EYA2: variants seen among roughly 807,000 people sequenced by gnomAD.
The protein encoded by EYA2 is protein phosphatase EYA2.
A neutral mutation model predicts 69.2 loss-of-function variants in EYA2; 31 were observed. The ratio of observed to expected loss-of-function variants is 0.45; its 90% CI spans 0.34 to 0.60. EYA2 has a LOEUF of 0.60. Among genes scored for constraint, EYA2 ranks in the 20% least tolerant of loss-of-function variants. The pLI, the probability that EYA2 is intolerant of heterozygous loss-of-function variation, is 0.02. For missense variants in EYA2, 622 were observed against 701.2 expected (o/e 0.89, Z 1.28); for synonymous variants, 257 against 279.4 (o/e 0.92, Z 0.80).
intron 1 of EYA2, among the ~76,000 whole-genome samples, chr20:46,921,966 G>A (rs1439576510): frequency 6.6e-6 from 1 of 152,194 alleles, no homozygotes; most frequent in South Asian, 2.1e-4. Context: ...TCCCTTTCAT[G>A]TATGAAACCC....
chr20:47,109,676 C>T (rs2032693341), intron 9 of EYA2, among the ~76,000 whole-genome samples: 1 of 152,166 alleles, frequency 6.6e-6, no homozygotes, highest in Admixed American at 6.5e-5. Context: ...AGGCACCACA[C>T]CCTGCCTGCA....
intron 5 of EYA2, among the ~76,000 whole-genome samples, chr20:47,026,603 C>T (rs1209294772): frequency 1.3e-5 from 2 of 152,178 alleles, no homozygotes; most frequent in East Asian, 1.9e-4. Context: ...AATGATTCTA[C>T]TAGTCTATGG....
chr20:47,080,132 C>T (rs1417309519), intron 7 of EYA2, among the ~76,000 whole-genome samples: 1 of 152,076 alleles, frequency 6.6e-6, no homozygotes, highest in African/African-American at 2.4e-5. Flanking sequence ...TCAAGGCATA[C>T]AAAGCATGTT....
chr20:47,105,313 A>G (rs2032541534), intron 9 of EYA2, among the ~76,000 whole-genome samples: 1 of 152,146 alleles, frequency 6.6e-6, no homozygotes, highest in South Asian at 2.1e-4. Context: ...CATTTTCTAC[A>G]TGGCTCCTTT....
chr20:46,901,623 C>T (rs1291273187), intron 1 of EYA2: 2 of 152,186 alleles, frequency 1.3e-5, no homozygotes, highest in East Asian at 3.9e-4. Flanking sequence ...CATATCAGGA[C>T]TTTTGTTTCA....
intron 7 of EYA2, among the ~76,000 whole-genome samples, chr20:47,079,190 A>G (rs565899176): frequency 1.3e-5 from 2 of 152,334 alleles, no homozygotes; most frequent in African/African-American, 4.8e-5. Flanking sequence ...GCTGATGAGT[A>G]TGGTACAATC....
chr20:46,895,705 G>C (rs1983772126), intron 1 of EYA2, among the ~76,000 whole-genome samples: 1 of 152,212 alleles, frequency 6.6e-6, no homozygotes, highest in African/African-American at 2.4e-5. Flanking sequence ...AAGTCTGGAG[G>C]TTAAACGGCC....
At chr20:47,083,139 A>C (rs756371526) in intron 7 of EYA2, among the ~76,000 whole-genome samples, 2 of 151,942 alleles carry the variant, frequency 1.3e-5, no homozygotes, top group Non-Finnish European at 2.9e-5. Flanking sequence ...ACAGTGAGCT[A>C]TGATCATACC....
intron 7 of EYA2, 75 bp from the exon 8 acceptor site, chr20:47,089,164 G>A: frequency 1.3e-6 from 2 of 1,554,288 alleles, no homozygotes; most frequent in Non-Finnish European, 1.8e-6. Flanking sequence ...GCTAGACGGT[G>A]CTGTTGGGAT....
chr20:47,116,065 ACCT>A (rs774339262), intron 9 of EYA2, among the ~76,000 whole-genome samples: 8 of 149,378 alleles, frequency 5.4e-5, no homozygotes, highest in Non-Finnish European at 1.0e-4. Flanking sequence ...TTGGTTAAAA[ACCT>A]CCTACTGATG....
At chr20:47,164,664 C>T (rs963526657) in intron 10 of EYA2, among the ~76,000 whole-genome samples, 1 of 152,232 alleles carries the variant, frequency 6.6e-6, no homozygotes, top group South Asian at 2.1e-4. Context: ...GACTCACATG[C>T]CTAGGGGGGT....
intron 7 of EYA2, among the ~76,000 whole-genome samples, chr20:47,079,496 AC>A (rs2031641045): frequency 6.6e-6 from 1 of 151,730 alleles, no homozygotes; most frequent in Non-Finnish European, 1.5e-5. Flanking sequence ...CCTGCCCCCG[AC>A]CCCTTATAAG....
chr20:47,098,966 G>T (rs1370812864), intron 9 of EYA2, among the ~76,000 whole-genome samples: 1 of 152,198 alleles, frequency 6.6e-6, no homozygotes, highest in African/African-American at 2.4e-5. Flanking sequence ...TCGCTGCTGG[G>T]TTTCTCCCAG....
chr20:47,178,741 T>C (rs2034471314), intron 12 of EYA2, among the ~76,000 whole-genome samples: 1 of 147,102 alleles, frequency 6.8e-6, no homozygotes, highest in South Asian at 2.1e-4. Context: ...GAATTTTTTG[T>C]TGGATGCATG....
At chr20:46,955,871 G>A (rs967985098) in intron 1 of EYA2, among the ~76,000 whole-genome samples, 4 of 152,226 alleles carry the variant, frequency 2.6e-5, no homozygotes, top group Non-Finnish European at 5.9e-5. Flanking sequence ...GGGCCAGATA[G>A]TAAATATTTA....
At chr20:47,146,333 C>T (rs1001333721) in intron 10 of EYA2, among the ~76,000 whole-genome samples, 1 of 152,126 alleles carries the variant, frequency 6.6e-6, no homozygotes, top group Non-Finnish European at 1.5e-5. Context: ...TTGGTTGAAC[C>T]TGCGACTCAA....
chr20:47,039,835 C>CTTTTTTTTGTTTT (rs1984939799), intron 5 of EYA2, among the ~76,000 whole-genome samples: 1 of 69,806 alleles, frequency 1.4e-5, no homozygotes, highest in African/African-American at 6.1e-5. Flanking sequence ...AGATCAAATA[C>CTTTTTTTTGTTTT]TTTTTTTTTT....
intron 9 of EYA2, among the ~76,000 whole-genome samples, chr20:47,127,264 A>G (rs1393685107): frequency 1.3e-5 from 2 of 152,196 alleles, no homozygotes; most frequent in East Asian, 1.9e-4. Context: ...ACAGTCCCCA[A>G]ATTCCCAAAC....
chr20:47,000,142 A>G (rs1181099308), intron 2 of EYA2, among the ~76,000 whole-genome samples: 1 of 152,216 alleles, frequency 6.6e-6, no homozygotes, highest in Admixed American at 6.5e-5. Context: ...GAGGATGAGA[A>G]TAGAACCTTT....
Sources: allele counts gnomAD v4.1 joint callset (sites outside exome capture counted in the v4.1 genomes callset), GRCh38; gene constraint gnomAD v4.1.1; transcripts MANE v1.5; gene names NCBI Gene and HGNC (gene_info 2026-07-23, HGNC 2026-07-21).